EGF: variants seen among roughly 807,000 people sequenced by gnomAD.
The protein encoded by EGF is epidermal growth factor.
EGF carries 95 observed loss-of-function variants against 143.8 expected under a neutral mutation model. The ratio of observed to expected loss-of-function variants is 0.66; its 90% CI spans 0.56 to 0.78. The LOEUF (loss-of-function observed/expected upper bound fraction) is 0.78, where lower values mean the gene tolerates loss of function less well. Among genes scored for constraint, EGF ranks in the 30% least tolerant of loss-of-function variants. The probability of loss-of-function intolerance (pLI) is 0.00; values close to 1 mark genes in which losing one functional copy is unlikely to be tolerated. For missense variants in EGF, 1,320 were observed against 1,470.9 expected, an observed-to-expected ratio of 0.90 and a Z score of 1.68; for synonymous variants, 510 against 510.5, an observed-to-expected ratio of 1.00 and a Z score of 0.01.
At chr4:109,913,483 G>A in intron 1 of EGF, 21 bp downstream of exon 1, 3 of 1,612,008 alleles carry the variant, frequency 1.9e-6, no homozygotes, top group Non-Finnish European at 2.5e-6. Flanking sequence ...CAATGAAAAG[G>A]TGCTCCAGGT....
At chr4:110,010,231 T>C (rs1477917265) in intron 23 of EGF, among the ~76,000 whole-genome samples, 4 of 151,990 alleles carry the variant, frequency 2.6e-5, no homozygotes, top group African/African-American at 9.7e-5. Flanking sequence ...TGCACTCCAG[T>C]GAGACTCCAT....
chr4:109,975,336 TA>T (rs1360269791), intron 12 of EGF, among the ~76,000 whole-genome samples: 5 of 152,316 alleles, frequency 3.3e-5, no homozygotes, highest in Non-Finnish European at 7.4e-5. Flanking sequence ...AAACCAACCC[TA>T]TTTTATTTAC....
chr4:109,999,054 A>G (rs1397873373), intron 20 of EGF, among the ~76,000 whole-genome samples: 2 of 152,224 alleles, frequency 1.3e-5, no homozygotes, highest in Non-Finnish European at 2.9e-5. Context: ...TTTGTAGGTG[A>G]ACGTCCCTTT....
chr4:109,930,654 C>T (rs1045301309), intron 1 of EGF, among the ~76,000 whole-genome samples: 15 of 152,150 alleles, frequency 9.9e-5, no homozygotes, highest in African/African-American at 3.4e-4. Context: ...TGAGTGTTTG[C>T]CCCCAAGGCC....
At chr4:109,959,191 C>T (rs1241315627) in intron 5 of EGF, 121 bp from the exon 6 acceptor site, 11 of 1,497,942 alleles carry the variant, frequency 7.3e-6, no homozygotes, top group African/African-American at 1.4e-5. Flanking sequence ...AGTTTGCCTC[C>T]GTGAGAGATG....
At chr4:109,936,395 C>A (rs1444958784) in intron 1 of EGF, among the ~76,000 whole-genome samples, 1 of 151,820 alleles carries the variant, frequency 6.6e-6, no homozygotes, top group Non-Finnish European at 1.5e-5. Flanking sequence ...TGGTGATATC[C>A]CCTTTATTAT....
At chr4:109,917,962 T>C (rs538459144) in intron 1 of EGF, among the ~76,000 whole-genome samples, 5 of 152,170 alleles carry the variant, frequency 3.3e-5, no homozygotes, top group Non-Finnish European at 7.3e-5. Flanking sequence ...CTCCGTTCCA[T>C]CAGTAAAATA....
At chr4:109,959,981 G>A (rs1745427216) in intron 6 of EGF, among the ~76,000 whole-genome samples, 1 of 152,172 alleles carries the variant, frequency 6.6e-6, no homozygotes, top group Non-Finnish European at 1.5e-5. Flanking sequence ...GTAGTTTAGT[G>A]ATGAAAAGAA....
At chr4:109,940,009 C>T (rs1475586035) in intron 1 of EGF, among the ~76,000 whole-genome samples, 2 of 152,188 alleles carry the variant, frequency 1.3e-5, no homozygotes, top group African/African-American at 4.8e-5. Context: ...CTTGATGTAA[C>T]TAATTTCATC....
chr4:109,919,329 CTCTCT>C lies in EGF; in HGVS notation c.127+5868_127+5872del, dbSNP rs1228939510. 1.4e-4 allele frequency among the ~76,000 whole-genome samples: 21 copies of C among 147,356 alleles called. No individual in the cohort carries two copies. The Admixed American group carries it at 1.4e-3, about 10-fold the overall frequency. On this transcript the variant is annotated intron_variant, in intron 1 of 23. Transcript: ENST00000265171. ...TCTCTCTCTCTCTCTCTCTCTCTCT[CTCTCT>C]CTCTCTCATCTCTCTCTCTCTCTCA...
At chr4:109,984,581 G>A (rs534812850) in intron 16 of EGF, among the ~76,000 whole-genome samples, 7 of 152,162 alleles carry the variant, frequency 4.6e-5, no homozygotes, top group African/African-American at 1.4e-4. Context: ...AAAACATCAG[G>A]CATCGGTGTA....
At chr4:109,944,283 CA>C (rs1339448745) in intron 4 of EGF, among the ~76,000 whole-genome samples, 1 of 152,034 alleles carries the variant, frequency 6.6e-6, no homozygotes, top group African/African-American at 2.4e-5. Context: ...ACTAAAAATA[CA>C]AAAAATTAGC....
intron 16 of EGF, among the ~76,000 whole-genome samples, chr4:109,987,239 T>C (rs1419599381): frequency 2.0e-5 from 3 of 152,226 alleles, no homozygotes; most frequent in Non-Finnish European, 4.4e-5. Flanking sequence ...GATAGTGCTT[T>C]AAAACTAAAG....
chr4:109,986,204 G>T (rs946060743), intron 16 of EGF, among the ~76,000 whole-genome samples: 1 of 152,088 alleles, frequency 6.6e-6, no homozygotes, highest in Non-Finnish European at 1.5e-5. Flanking sequence ...TTTTCATTAC[G>T]CACAGCTGCC....
chr4:109,959,493 A>G, intron 6 of EGF, 56 bp downstream of exon 6: 1 of 1,610,270 alleles, frequency 6.2e-7, no homozygotes, highest in African/African-American at 1.4e-5. Flanking sequence ...GAGGGGAGGA[A>G]TGCTCAACTG....
chr4:109,968,702 A>ATCTG (rs1560708113), intron 10 of EGF: 8 of 432,280 alleles, frequency 1.9e-5, no homozygotes, highest in African/African-American at 1.2e-4. Flanking sequence ...CTATCTATCT[A>ATCTG]TCTATCTACC....
At chr4:109,941,506 C>T (rs11568890) in intron 2 of EGF, among the ~76,000 whole-genome samples, 113 of 152,194 alleles carry the variant, frequency 7.4e-4, no homozygotes, top group African/African-American at 2.7e-3. Flanking sequence ...CCTGAGGGAA[C>T]AATTGGCAGT....
chr4:109,987,923 C>G (rs548460875), intron 17 of EGF, 63 bp downstream of exon 17: 2 of 1,286,812 alleles, frequency 1.6e-6, no homozygotes, highest in South Asian at 1.2e-5. Context: ...TTTTTCTGCT[C>G]TTTCTGACTC....
intron 13 of EGF, among the ~76,000 whole-genome samples, chr4:109,976,592 A>G (rs1748537939): frequency 6.6e-6 from 1 of 152,232 alleles, no homozygotes; most frequent in Admixed American, 6.5e-5. Flanking sequence ...GCATGAATGA[A>G]TGTCAGTTGA....
Sources: gnomAD v4.1 joint callset for allele counts (sites outside exome capture counted in the v4.1 genomes callset) on GRCh38, gnomAD v4.1.1 for gene constraint, MANE v1.5 for transcripts, NCBI Gene and HGNC (gene_info 2026-07-23, HGNC 2026-07-21) for gene names.